The following NPHP1 variants were observed in gnomAD, a reference collection of about 807,000 sequenced individuals.
NPHP1 encodes the protein nephrocystin-1.
A neutral mutation model predicts 90.4 loss-of-function variants in NPHP1; 70 were observed. The ratio of observed to expected loss-of-function variants is 0.77; its 90% CI spans 0.64 to 0.95. The LOEUF is 0.95. Ranked by LOEUF, NPHP1 falls within the 40% of genes least tolerant of loss-of-function variation. The pLI is 0.00. For missense variants in NPHP1, 764 were observed against 795.9 expected, an observed-to-expected ratio of 0.96 and a Z score of 0.48; for synonymous variants, 256 against 271.7, an observed-to-expected ratio of 0.94 and a Z score of 0.57.
intron 3 of NPHP1, among the ~76,000 whole-genome samples, 155 bp downstream of exon 3, chr2:110,179,469 C>T (rs1471690531): frequency 2.6e-5 from 4 of 152,272 alleles, no homozygotes; most frequent in South Asian, 2.1e-4. Context: ...CAAGCACAGA[C>T]TTAGCAAGCC....
chr2:110,202,565 T>C (rs577078760), intron 1 of NPHP1: 2 of 341,812 alleles, frequency 5.9e-6, no homozygotes, highest in South Asian at 2.3e-5. Context: ...GAGCCAATAT[T>C]TCTCCAGGGA....
chr2:110,140,173 C>A (rs1680521912), intron 16 of NPHP1, among the ~76,000 whole-genome samples: 2 of 152,024 alleles, frequency 1.3e-5, no homozygotes, highest in South Asian at 4.2e-4. Flanking sequence ...ATTTTGGGGT[C>A]ATGCAAAGTG....
chr2:110,175,004 A>G (rs1683410638), intron 4 of NPHP1, among the ~76,000 whole-genome samples: 1 of 152,078 alleles, frequency 6.6e-6, no homozygotes, highest in Non-Finnish European at 1.5e-5. Flanking sequence ...ATGAATCAAT[A>G]AAATATATGA....
chr2:110,178,646 T>A, intron 3 of NPHP1, 99 bp from the exon 4 acceptor site: 1 of 1,046,442 alleles, frequency 9.6e-7, no homozygotes, highest in Non-Finnish European at 1.4e-6. Context: ...TATAACAAAG[T>A]AAATATCAGT....
At chr2:110,179,570 A>G (rs1574159684) in intron 3 of NPHP1, 54 bp downstream of exon 3, 1 of 882,322 alleles carries the variant, frequency 1.1e-6, no homozygotes, top group East Asian at 2.5e-5. Context: ...CACTTAATAA[A>G]AATACTTGTA....
intron 2 of NPHP1, among the ~76,000 whole-genome samples, chr2:110,180,395 A>G (rs912522702): frequency 6.6e-6 from 1 of 151,866 alleles, no homozygotes; most frequent in Non-Finnish European, 1.5e-5. Context: ...TTTTAATTCA[A>G]ATGCTTTACT....
chr2:110,184,457 G>T, intron 2 of NPHP1: 2 of 735,846 alleles, frequency 2.7e-6, no homozygotes, highest in South Asian at 1.7e-5. Flanking sequence ...GCTTCAATGT[G>T]CCTGCTATTT....
intron 19 of NPHP1, 21 bp from the exon 20 acceptor site, chr2:110,124,084 C>A (rs773802173): frequency 1.9e-6 from 3 of 1,613,186 alleles, no homozygotes; most frequent in Admixed American, 1.7e-5. Context: ...ACCACCCCCA[C>A]AAATAACATT....
chr2:110,182,408 G>A (rs1407479625), intron 2 of NPHP1, among the ~76,000 whole-genome samples: 1 of 150,750 alleles, frequency 6.6e-6, no homozygotes, highest in Non-Finnish European at 1.5e-5. Context: ...ACCTACAAAA[G>A]GAAGCTCATC....
chr2:110,203,618 A>G (rs1685719203), intron 1 of NPHP1, among the ~76,000 whole-genome samples: 1 of 152,120 alleles, frequency 6.6e-6, no homozygotes, highest in Non-Finnish European at 1.5e-5. Flanking sequence ...AAAATGGATA[A>G]AATATGAGCA....
In NPHP1 at chr2:110,167,359, C is replaced by A. The variant is rs900964844; in HGVS notation, c.624+1093G>T. On this transcript the variant is annotated intron_variant, in intron 6 of 19. Transcript: ENST00000445609. ...TAGAACTTTCAGCCCCACCCTCCAA[C>A]CTTCAAAGAGGGGAGAGGAGCTGGA... Among the ~76,000 whole-genome samples the A allele has an allele frequency of 1.2e-4, 18 of 152,110 alleles. 1 individual carries two copies. The highest frequency in any genetic ancestry group is 3.4e-4 in the African/African-American group (14 of 41,424).
At position 110,182,291 on chromosome 2, in the gene NPHP1, G is replaced by T. The variant is rs555807651; in HGVS notation, c.144-2607C>A. Among the ~76,000 whole-genome samples, 15 of 151,774 alleles carry T rather than the reference G, an allele frequency of 9.9e-5. No individual in the cohort carries two copies. The East Asian group carries it at 2.3e-3, about 24-fold the overall frequency. On this transcript the variant is annotated intron_variant, in intron 2 of 19. Coordinates refer to ENST00000445609, the MANE Select transcript of NPHP1 (RefSeq NM_001128178.3). Reference sequence around the variant, plus strand: ...AATTCAGGAAATCCAGAGAACCCCAGTAAGGTACTCCATGAGAAGATCAAC... The same window carrying T: ...AATTCAGGAAATCCAGAGAACCCCATTAAGGTACTCCATGAGAAGATCAAC...
chr2:110,200,463 T>C (rs1488852394), intron 2 of NPHP1, among the ~76,000 whole-genome samples: 1 of 151,206 alleles, frequency 6.6e-6, no homozygotes, highest in Non-Finnish European at 1.5e-5. Context: ...CTCAAGAGCC[T>C]GAGGCAGAAG....
chr2:110,149,226 G>A (rs751898998), intron 12 of NPHP1, among the ~76,000 whole-genome samples: 7 of 152,066 alleles, frequency 4.6e-5, no homozygotes, highest in Non-Finnish European at 8.8e-5. Context: ...AAGTTTCCAC[G>A]TGCCTAGGAA....
intron 17 of NPHP1, among the ~76,000 whole-genome samples, chr2:110,129,811 G>T (rs1364056773): frequency 6.6e-6 from 1 of 152,138 alleles, no homozygotes; most frequent in African/African-American, 2.4e-5. Context: ...CAGTGAGGGA[G>T]AATATTGACA....
chr2:110,204,720 G>T (rs1367153458), intron 1 of NPHP1, among the ~76,000 whole-genome samples, 180 bp downstream of exon 1: 1 of 152,000 alleles, frequency 6.6e-6, no homozygotes, highest in South Asian at 2.1e-4. Context: ...GATCAGGAGG[G>T]GTTTGAATCG....
intron 12 of NPHP1, among the ~76,000 whole-genome samples, chr2:110,149,976 C>T (rs1681342383): frequency 6.6e-6 from 1 of 152,118 alleles, no homozygotes; most frequent in African/African-American, 2.4e-5. Context: ...TAAAAATGAA[C>T]CCTGAAACTG....
chr2:110,175,752 T>C (rs1426208955), intron 4 of NPHP1, among the ~76,000 whole-genome samples: 1 of 151,998 alleles, frequency 6.6e-6, no homozygotes, highest in Non-Finnish European at 1.5e-5. Flanking sequence ...TCTTAGATCA[T>C]AATTTTTAAA....
intron 15 of NPHP1, chr2:110,144,003 C>T: frequency 3.0e-6 from 1 of 331,436 alleles, no homozygotes; most frequent in Non-Finnish European, 5.7e-6. Context: ...AGAGGGGTGG[C>T]TGAGGAGTGG....
Sources: gnomAD v4.1 joint callset for allele counts (sites outside exome capture counted in the v4.1 genomes callset) on GRCh38, gnomAD v4.1.1 for gene constraint, MANE v1.5 for transcripts, NCBI Gene and HGNC (gene_info 2026-07-23, HGNC 2026-07-21) for gene names.